The following TOGARAM2 variants were observed in gnomAD, a reference collection of about 807,000 sequenced individuals.
The protein encoded by TOGARAM2 is TOG array regulator of axonemal microtubules 2, also known as TOG array regulator of axonemal microtubules protein 2.
In TOGARAM2, 85 loss-of-function variants were observed where a neutral mutation model predicts 93.3. The ratio of observed to expected loss-of-function variants is 0.91; its 90% CI spans 0.76 to 1.09. TOGARAM2 has a LOEUF of 1.09. Among genes scored for constraint, TOGARAM2 ranks in the 50% least tolerant of loss-of-function variants. TOGARAM2 has a pLI of 0.00. For synonymous variants in TOGARAM2, 593 were observed against 552.8 expected, an observed-to-expected ratio of 1.07 and a Z score of -1.02; for missense variants, 1,277 against 1,334.5, an observed-to-expected ratio of 0.96 and a Z score of 0.67.
chr2:29,014,723 C>G (rs542414932), intron 8 of TOGARAM2, among the ~76,000 whole-genome samples, 162 bp downstream of exon 8: 3 of 151,414 alleles, frequency 2.0e-5, no homozygotes, highest in Non-Finnish European at 4.4e-5. Flanking sequence ...AACCTGCAGA[C>G]GGGGTTGGGG....
chr2:29,019,788 A>G (rs78082523), intron 10 of TOGARAM2, among the ~76,000 whole-genome samples: 3,304 of 152,340 alleles, frequency 0.022, 56 homozygotes, highest in Non-Finnish European at 0.032. Flanking sequence ...CTCACAGTGA[A>G]CAAATAATCC....
Position 29,024,319 on chromosome 2 carries a change from G to T in TOGARAM2, c.1798G>T (p.Val600Leu), listed in dbSNP as rs1665185417. 6.2e-7 allele frequency: 1 copy of T among 1,612,878 alleles called. No homozygotes were observed. Among genetic ancestry groups the T allele is most frequent in the Non-Finnish European group, 8.5e-7 (1 of 1,179,536 alleles). ...RAAGQSLRAM[V>L]ENVTLARSLV... ...AGCCGGCCAGTCTCTGAGGGCTATG[G>T]TGGAGAATGTGACCCTTGCCCGCTC... The change falls in exon 13 of 20, where the codon GTG (valine) becomes TTG (leucine). Residue 600 changes from valine (V) to leucine (L), a missense_variant. Val to Leu is a conservative substitution (Grantham distance 32). Transcript: ENST00000379558.
intron 6 of TOGARAM2, among the ~76,000 whole-genome samples, chr2:29,009,542 G>A (rs566570203): frequency 3.3e-5 from 5 of 151,198 alleles, no homozygotes; most frequent in Middle Eastern, 3.5e-3. Context: ...GGGGCGGGGC[G>A]GGATGAATGG....
chr2:29,031,620 A>G (rs1434881488), intron 14 of TOGARAM2, among the ~76,000 whole-genome samples: 2 of 152,254 alleles, frequency 1.3e-5, no homozygotes, highest in African/African-American at 4.8e-5. Context: ...TTAGATATCA[A>G]TGAAGCAAAC....
intron 16 of TOGARAM2, among the ~76,000 whole-genome samples, chr2:29,034,594 G>A (rs1041743462): frequency 1.3e-5 from 2 of 152,234 alleles, no homozygotes; most frequent in African/African-American, 2.4e-5. Context: ...GGACCTGGGT[G>A]TAGGGCATGA....
At chr2:29,005,310 G>GATGT in intron 6 of TOGARAM2, among the ~76,000 whole-genome samples, 1 of 138,516 alleles carries the variant, frequency 7.2e-6, no homozygotes, top group East Asian at 2.3e-4. Context: ...GTGTGTGTGG[G>GATGT]GTATGTGTGC....
intron 1 of TOGARAM2, among the ~76,000 whole-genome samples, chr2:28,964,841 A>C (rs1671846299): frequency 6.6e-6 from 1 of 152,196 alleles, no homozygotes; most frequent in Non-Finnish European, 1.5e-5. Flanking sequence ...ATGGCTGCAT[A>C]GTATTCCATG....
chr2:29,037,340 C>T (rs1466434702), intron 18 of TOGARAM2, among the ~76,000 whole-genome samples: 2 of 152,218 alleles, frequency 1.3e-5, no homozygotes, highest in African/African-American at 4.8e-5. Context: ...GTGCAAATTC[C>T]AAACTTTAGG....
At position 29,002,581 on chromosome 2, in the gene TOGARAM2, G is replaced by T; in HGVS notation, c.473G>T (p.Ser158Ile). ...GGGPQGVPLH[S>I]TIPRATSQRL... ...GGCCCCCAAGGAGTTCCCCTGCACAGCACCATCCCCCGAGCCACCTCTCAG... is the reference window on the plus strand; with the variant it reads ...GGCCCCCAAGGAGTTCCCCTGCACATCACCATCCCCCGAGCCACCTCTCAG... The change falls in exon 5 of 20, where the codon AGC (serine) becomes ATC (isoleucine). Residue 158 changes from serine (S) to isoleucine (I), a missense_variant. Transcript: ENST00000379558. 6.2e-7 allele frequency: 1 copy of T among 1,613,964 alleles called. No individual in the cohort carries two copies. The highest frequency in any genetic ancestry group is 8.5e-7 in the Non-Finnish European group (1 of 1,179,880).
At chr2:29,037,363 G>C (rs1178333485) in intron 18 of TOGARAM2, among the ~76,000 whole-genome samples, 1 of 152,228 alleles carries the variant, frequency 6.6e-6, no homozygotes, top group African/African-American at 2.4e-5. Context: ...TGTGGAGAAA[G>C]TAGCACATGA....
chr2:29,011,428 T>C (rs1392571519), intron 6 of TOGARAM2, 27 bp from the exon 7 acceptor site: 1 of 1,609,526 alleles, frequency 6.2e-7, no homozygotes, highest in Non-Finnish European at 8.5e-7. Context: ...TCCCTCATGA[T>C]GCTTTTCTCT....
At position 29,026,816 on chromosome 2, in the gene TOGARAM2, T is replaced by C. The variant is rs372665364; in HGVS notation, c.1854-37T>C. On this transcript the variant is annotated intron_variant, in intron 13 of 19. Coordinates refer to ENST00000379558, the MANE Select transcript of TOGARAM2 (RefSeq NM_199280.4). ...CAGCCTGGGGACTCCCACACCACTA[T>C]CCTGAGACTGACCCCTGGGCCATGA... is the stretch of plus-strand genomic sequence containing the variant. 67 of 1,538,708 alleles carry C rather than the reference T, an allele frequency of 4.4e-5. No individual in the cohort carries two copies. The Admixed American group carries it at 1.1e-3, about 26-fold the overall frequency.
intron 7 of TOGARAM2, among the ~76,000 whole-genome samples, chr2:29,013,172 C>T (rs1014761688): frequency 1.6e-4 from 24 of 152,218 alleles, no homozygotes; most frequent in African/African-American, 5.8e-4. Flanking sequence ...TGAGCCCTGC[C>T]TTCATAATGA....
Position 29,032,336 on chromosome 2 carries a change from C to T in TOGARAM2, c.2013-598C>T, listed in dbSNP as rs529500313. On this transcript the variant is annotated intron_variant, in intron 14 of 19. Transcript: ENST00000379558. The stretch of plus-strand genomic sequence containing the variant: ...GACCTAAATAACCCTGTTCCTCCGA[C>T]GTATCCCAAATCCCACCCAACTTGT... 3.9e-5 allele frequency among the ~76,000 whole-genome samples: 6 copies of T among 152,316 alleles called. No homozygotes were observed. The East Asian group carries it at 7.7e-4, about 20-fold the overall frequency.
At chr2:28,961,335 AT>A (rs1472629095) in intron 1 of TOGARAM2, among the ~76,000 whole-genome samples, 1 of 152,040 alleles carries the variant, frequency 6.6e-6, no homozygotes, top group African/African-American at 2.4e-5. Flanking sequence ...ATAATTTATT[AT>A]TTAATTTTTA....
At chr2:28,976,179 G>A (rs1278773761) in intron 1 of TOGARAM2, among the ~76,000 whole-genome samples, 1 of 152,140 alleles carries the variant, frequency 6.6e-6, no homozygotes, top group Non-Finnish European at 1.5e-5. Context: ...GACCATCCTG[G>A]CTAACATGGT....
chr2:29,022,747 C>CCCTCCCTGCCTTCAGT (rs779712091), intron 11 of TOGARAM2, among the ~76,000 whole-genome samples: 1 of 152,192 alleles, frequency 6.6e-6, no homozygotes. Context: ...TTGTGAGAAG[C>CCCTCCCTGCCTTCAGT]CCTCCCTGCC....
At chr2:28,965,816 GC>G (rs1459325124) in intron 1 of TOGARAM2, among the ~76,000 whole-genome samples, 1 of 152,118 alleles carries the variant, frequency 6.6e-6, no homozygotes. Context: ...AGATTGGGAT[GC>G]CCCTTCCCTG....
At chr2:28,958,577 C>T (rs1572613473) in intron 1 of TOGARAM2, among the ~76,000 whole-genome samples, 2 of 152,174 alleles carry the variant, frequency 1.3e-5, no homozygotes, top group African/African-American at 4.8e-5. Context: ...GCTGGGATTA[C>T]AGGCGTGAGC....
Sources: gnomAD v4.1 joint callset for allele counts (sites outside exome capture counted in the v4.1 genomes callset) on GRCh38, gnomAD v4.1.1 for gene constraint, MANE v1.5 for transcripts, NCBI Gene and HGNC (gene_info 2026-07-23, HGNC 2026-07-21) for gene names.